Variants in RBFOX1 observed in about 807,000 individuals in gnomAD.
RBFOX1 encodes the protein RNA binding protein fox-1 homolog 1.
RBFOX1 carries 8 observed loss-of-function variants against 57.7 expected under a neutral mutation model. The observed-to-expected ratio is 0.14, with a 90% CI of 0.08 to 0.25. The LOEUF (loss-of-function observed/expected upper bound fraction) is 0.25. RBFOX1 is among the 10% of genes least tolerant of loss of function. The probability of loss-of-function intolerance (pLI) is 1.00; values close to 1 mark genes in which losing one functional copy is unlikely to be tolerated. For missense variants in RBFOX1, 611 were observed against 548.5 expected (o/e 1.11, Z -1.14); for synonymous variants, 326 against 222.4 (o/e 1.47, Z -4.15).
intron 1 of RBFOX1, among the ~76,000 whole-genome samples, chr16:6,112,903 A>C (rs2096461690): frequency 6.6e-6 from 1 of 152,194 alleles, no homozygotes; most frequent in Admixed American, 6.5e-5. Flanking sequence ...TTGCTACATC[A>C]GCTTTTAAGT....
intron 4 of RBFOX1, among the ~76,000 whole-genome samples, chr16:5,929,910 G>T (rs1161105670): frequency 6.6e-6 from 1 of 151,002 alleles, no homozygotes; most frequent in Non-Finnish European, 1.5e-5. Context: ...AGGGTGGGGA[G>T]GGTGGGAAAT....
At chr16:6,309,253 A>G (rs575308072) in intron 1 of RBFOX1, among the ~76,000 whole-genome samples, 2 of 152,092 alleles carry the variant, frequency 1.3e-5, no homozygotes, top group Non-Finnish European at 2.9e-5. Flanking sequence ...TCATTGCCTT[A>G]CACACACCCT....
At chr16:5,472,676 C>G (rs1231293491) in intron 2 of RBFOX1, among the ~76,000 whole-genome samples, 1 of 152,186 alleles carries the variant, frequency 6.6e-6, no homozygotes, top group Non-Finnish European at 1.5e-5. Context: ...TGTAAATTCA[C>G]AGCGCCTTCC....
intron 4 of RBFOX1, among the ~76,000 whole-genome samples, chr16:7,388,644 C>CTT (rs61629644): frequency 0.1 from 9,311 of 92,478 alleles, 725 homozygotes; most frequent in South Asian, 0.18. Flanking sequence ...GTTTCACTTA[C>CTT]TTTTTTTTTT....
intron 2 of RBFOX1, among the ~76,000 whole-genome samples, chr16:6,528,831 C>G (rs995777172): frequency 2.0e-5 from 3 of 152,180 alleles, no homozygotes; most frequent in Non-Finnish European, 4.4e-5. Flanking sequence ...ACCTCCCATC[C>G]AAGGCCAGGT....
chr16:6,115,804 A>T (rs923507395), intron 1 of RBFOX1, among the ~76,000 whole-genome samples: 1 of 152,142 alleles, frequency 6.6e-6, no homozygotes, highest in Non-Finnish European at 1.5e-5. Context: ...ATTACATATG[A>T]TAATCTCCAG....
chr16:5,381,618 A>G lies in RBFOX1; in HGVS notation c.220-85598A>G, dbSNP rs758307. Among the ~76,000 whole-genome samples, 598 of 152,328 alleles carry G rather than the reference A, an allele frequency of 3.9e-3. 2 individuals are homozygous for G. The highest frequency in any genetic ancestry group is 0.014 in the Middle Eastern group (4 of 294). The stretch of plus-strand genomic sequence containing the variant: ...TTCCATGTGGGACCTTAGCTGTGCT[A>G]ACTCCCCCATAGGGTTGTTACAAAC... On this transcript the variant is annotated intron_variant, in intron 1 of 2. Transcript: ENST00000585867.
chr16:5,770,471 C>T (rs2053940849), intron 3 of RBFOX1, among the ~76,000 whole-genome samples: 1 of 152,156 alleles, frequency 6.6e-6, no homozygotes, highest in African/African-American at 2.4e-5. Context: ...CCAGGAAATT[C>T]ATGAATAACC....
At chr16:6,967,153 C>G (rs2084438451) in intron 3 of RBFOX1, among the ~76,000 whole-genome samples, 2 of 152,122 alleles carry the variant, frequency 1.3e-5, no homozygotes, top group East Asian at 1.9e-4. Flanking sequence ...CATTCATCAT[C>G]TATCCATGTG....
intron 3 of RBFOX1, among the ~76,000 whole-genome samples, chr16:6,717,212 C>A (rs776613403): frequency 1.3e-5 from 2 of 151,942 alleles, no homozygotes; most frequent in Non-Finnish European, 2.9e-5. Flanking sequence ...GTGGGGAAAG[C>A]CAGTGTGAAT....
intron 4 of RBFOX1, among the ~76,000 whole-genome samples, chr16:7,147,827 A>G (rs555012413): frequency 1.3e-5 from 2 of 152,306 alleles, no homozygotes; most frequent in Non-Finnish European, 2.9e-5. Context: ...TTCTTTGGGC[A>G]TATACCCAGT....
intron 2 of RBFOX1, among the ~76,000 whole-genome samples, chr16:6,556,556 G>T (rs1203331357): frequency 6.6e-6 from 1 of 152,138 alleles, no homozygotes; most frequent in African/African-American, 2.4e-5. Flanking sequence ...CATTCACTGG[G>T]TATTCCATTA....
At chr16:6,708,910 C>T (rs534339108) in intron 3 of RBFOX1, among the ~76,000 whole-genome samples, 27 of 152,192 alleles carry the variant, frequency 1.8e-4, no homozygotes, top group Admixed American at 7.2e-4. Context: ...CACTCCATTG[C>T]GTCCCCAACA....
intron 2 of RBFOX1, among the ~76,000 whole-genome samples, chr16:5,473,612 TG>T (rs2069214908): frequency 6.9e-6 from 1 of 145,302 alleles, no homozygotes; most frequent in African/African-American, 2.6e-5. Context: ...GAAGGATGGG[TG>T]GATGGATGGA....
At chr16:5,356,985 T>C (rs1227099785) in intron 1 of RBFOX1, among the ~76,000 whole-genome samples, 1 of 152,192 alleles carries the variant, frequency 6.6e-6, no homozygotes, top group African/African-American at 2.4e-5. Flanking sequence ...GTAGGTACTA[T>C]TACTTATTTC....
chr16:6,401,421 G>A (rs1422654177), intron 2 of RBFOX1, among the ~76,000 whole-genome samples: 1 of 152,170 alleles, frequency 6.6e-6, no homozygotes, highest in Non-Finnish European at 1.5e-5. Flanking sequence ...CTGTGAAAAT[G>A]AGTTAGGGTA....
rs556538194 is a variant in RBFOX1, at chr16:6,558,982, G to A, written c.-63-95621G>A. Among the ~76,000 whole-genome samples, 29 of 152,108 alleles carry A rather than the reference G, an allele frequency of 1.9e-4. No individual in the cohort carries two copies. The South Asian group carries it at 2.9e-3, about 15-fold the overall frequency. On this transcript the variant is annotated intron_variant, in intron 2 of 15. Coordinates refer to ENST00000550418, the MANE Select transcript of RBFOX1 (RefSeq NM_018723.4). ...CTTTCACTCTCTACTCAAAAATGCC[G>A]CTTCCTCCAGGAAAGTCTTTCCTGG...
At chr16:6,551,071 C>T (rs571171208) in intron 2 of RBFOX1, among the ~76,000 whole-genome samples, 37 of 152,280 alleles carry the variant, frequency 2.4e-4, no homozygotes, top group African/African-American at 6.7e-4. Flanking sequence ...ATTTTGCCTC[C>T]TGGACCCATT....
chr16:7,124,817 G>A lies in RBFOX1; in HGVS notation c.27+72719G>A, dbSNP rs903676842. 2.6e-5 allele frequency among the ~76,000 whole-genome samples: 4 copies of A among 151,954 alleles called. No homozygotes were observed. The South Asian group carries it at 6.2e-4, about 24-fold the overall frequency. ...CAGACAGCCAGTGTAGAGACAGTCC[G>A]TATCCTGTTTCTACTGTATGACTCT... On this transcript the variant is annotated intron_variant, in intron 4 of 15. Transcript: ENST00000550418.
Sources: allele counts gnomAD v4.1 joint callset (sites outside exome capture counted in the v4.1 genomes callset), GRCh38; gene constraint gnomAD v4.1.1; transcripts MANE v1.5; gene names NCBI Gene and HGNC (gene_info 2026-07-23, HGNC 2026-07-21).